QKI: variants seen among roughly 807,000 people sequenced by gnomAD.
QKI encodes the protein QKI, KH domain containing RNA binding, also known as KH domain-containing RNA-binding protein QKI.
QKI carries 10 observed loss-of-function variants against 39.0 expected under a neutral mutation model. That is an observed-to-expected ratio of 0.26 (90% CI 0.16 to 0.43). The LOEUF (loss-of-function observed/expected upper bound fraction) is 0.43. QKI is among the 20% of genes least tolerant of loss of function. The probability of loss-of-function intolerance (pLI) is 1.00; values close to 1 mark genes in which losing one functional copy is unlikely to be tolerated. For missense variants in QKI, 218 were observed against 428.0 expected (o/e 0.51, Z 4.33); for synonymous variants, 204 against 155.4 (o/e 1.31, Z -2.33).
intron 1 of QKI, among the ~76,000 whole-genome samples, chr6:163,441,833 C>T (rs1172021013): frequency 5.9e-5 from 9 of 151,968 alleles, no homozygotes; most frequent in Non-Finnish European, 1.2e-4. Context: ...TAGCCAGGGA[C>T]GGAGGTTAGG....
intron 4 of QKI, among the ~76,000 whole-genome samples, chr6:163,555,144 C>G (rs1782503990): frequency 6.6e-6 from 1 of 151,736 alleles, no homozygotes; most frequent in African/African-American, 2.4e-5. Flanking sequence ...CCTTTTCTAC[C>G]CATTATTTCA....
intron 1 of QKI, among the ~76,000 whole-genome samples, chr6:163,432,343 T>C (rs1208710684): frequency 6.6e-6 from 1 of 152,036 alleles, no homozygotes. Flanking sequence ...AATATTTGCC[T>C]AAGGGTTTTC....
chr6:163,451,917 A>G lies in QKI; in HGVS notation c.143-3362A>G, dbSNP rs1288112165. ...TCCATAGTAGTTTGGCTATAATTGT[A>G]TCCTCCTGCTAGGATAACATTCCCA... On this transcript the variant is annotated intron_variant, in intron 1 of 7. Coordinates refer to ENST00000361752, the MANE Select transcript of QKI (RefSeq NM_006775.3). 2.0e-5 allele frequency among the ~76,000 whole-genome samples: 3 copies of G among 152,222 alleles called. No individual in the cohort carries two copies. The East Asian group carries it at 5.8e-4, about 29-fold the overall frequency.
At chr6:163,561,151 T>G (rs1049069986) in intron 4 of QKI, among the ~76,000 whole-genome samples, 2 of 152,202 alleles carry the variant, frequency 1.3e-5, no homozygotes, top group African/African-American at 4.8e-5. Context: ...AGTTATTATT[T>G]CACTGAGTTT....
intron 4 of QKI, among the ~76,000 whole-genome samples, chr6:163,557,839 C>T (rs1467977511): frequency 6.6e-6 from 1 of 151,432 alleles, no homozygotes; most frequent in African/African-American, 2.4e-5. Context: ...AAAGAAATAT[C>T]GTGACTGGAT....
At chr6:163,566,095 CATAGAT>C (rs1783347654) in intron 6 of QKI, 2 of 1,505,852 alleles carry the variant, frequency 1.3e-6, no homozygotes, top group Non-Finnish European at 1.8e-6. Context: ...ACTTTTTGCA[CATAGAT>C]ATAAAGTAAA....
intron 3 of QKI, among the ~76,000 whole-genome samples, chr6:163,515,109 C>T (rs1017965240): frequency 6.6e-6 from 1 of 151,938 alleles, no homozygotes; most frequent in African/African-American, 2.4e-5. Flanking sequence ...GGGCAGAAAA[C>T]CTGAATTAAA....
intron 4 of QKI, among the ~76,000 whole-genome samples, chr6:163,545,612 T>A (rs901711636): frequency 6.6e-6 from 1 of 152,140 alleles, no homozygotes; most frequent in African/African-American, 2.4e-5. Context: ...TAAAAAAATA[T>A]GTCTTGTTTC....
chr6:163,563,885 T>C, intron 6 of QKI, 166 bp downstream of exon 6: 2 of 1,420,074 alleles, frequency 1.4e-6, no homozygotes, highest in Non-Finnish European at 1.8e-6. Context: ...AGGGTTCCCC[T>C]TTGAAATAAT....
In QKI at chr6:163,495,534, T is replaced by A. The variant is rs909600226; in HGVS notation, c.402+16638T>A. 5.3e-5 allele frequency among the ~76,000 whole-genome samples: 8 copies of A among 152,350 alleles called. No homozygotes were observed. The East Asian group carries it at 1.5e-3, about 29-fold the overall frequency. ...TTTCCTATAACCAAGGACATTCTTT[T>A]ACATAGTTACTTTATCAAATTCTGA... On this transcript the variant is annotated intron_variant, in intron 3 of 7. Coordinates refer to ENST00000361752, the MANE Select transcript of QKI (RefSeq NM_006775.3).
chr6:163,574,108 C>T lies in QKI; in HGVS notation c.*3398C>T, dbSNP rs1253345138. On this transcript the variant is annotated 3_prime_UTR_variant, in exon 8 of 8. Transcript: ENST00000361752. ...CTTGCCACTTGCCTTTCAGCATCTG[C>T]ATTACTAATTCCACACCTTATTTTT... is the stretch of plus-strand genomic sequence containing the variant. 1 of 152,210 alleles carries T rather than the reference C, an allele frequency of 6.6e-6. No individual in the cohort carries two copies. Among genetic ancestry groups the T allele is most frequent in the Non-Finnish European group, 1.5e-5 (1 of 68,060 alleles). 9.4% of individuals were successfully genotyped at this position (152,210 alleles called of 1,614,324 possible).
rs1562562739 is a variant in QKI, at chr6:163,573,924, T to TAACATAGC, written c.*3214_*3215insAACATAGC. ...AAGAACGTGACCACAGATAACATAG[T>TAACATAGC]GTGACTTGTTTTTATGTTGTTTGTC... On this transcript the variant is annotated 3_prime_UTR_variant, in exon 8 of 8. Transcript: ENST00000361752. 2 of 151,986 alleles carry TAACATAGC rather than the reference T, an allele frequency of 1.3e-5. No homozygotes were observed. Among genetic ancestry groups the TAACATAGC allele is most frequent in the African/African-American group, 2.4e-5 (1 of 41,388 alleles). The allele number at this position is 151,986 out of a possible 1,614,324, so 9.4% of individuals were successfully genotyped here. A position where few individuals can be genotyped will look rare whatever the true frequency, so the allele number is the denominator to read the frequency against.
At chr6:163,549,280 A>AGG (rs751237752) in intron 4 of QKI, among the ~76,000 whole-genome samples, 2 of 152,118 alleles carry the variant, frequency 1.3e-5, no homozygotes, top group Non-Finnish European at 2.9e-5. Flanking sequence ...GCAGTCCTGG[A>AGG]GGGGATATGC....
chr6:163,510,787 G>A (rs1454219613), intron 3 of QKI, among the ~76,000 whole-genome samples: 2 of 152,004 alleles, frequency 1.3e-5, no homozygotes, highest in African/African-American at 4.8e-5. Flanking sequence ...TTTATTTAAT[G>A]CAGAATGACT....
In QKI at chr6:163,509,366, T is replaced by C. The variant is rs898186497; in HGVS notation, c.403-25616T>C. 2.5e-4 allele frequency among the ~76,000 whole-genome samples: 38 copies of C among 152,138 alleles called. 1 individual carries two copies. Among genetic ancestry groups the C allele is most frequent in the African/African-American group, 8.7e-4 (36 of 41,440 alleles). ...GAGAGCAGATGGAAAGTTGATTACA[T>C]AGAAATTTTTACCCTGATACTGGTA... On this transcript the variant is annotated intron_variant, in intron 3 of 7. Transcript: ENST00000361752.
intron 3 of QKI, among the ~76,000 whole-genome samples, chr6:163,500,385 G>A (rs925054844): frequency 1.3e-5 from 2 of 152,130 alleles, no homozygotes; most frequent in Non-Finnish European, 2.9e-5. Context: ...ACTGGGAATC[G>A]TCTTCAGATT....
intron 4 of QKI, among the ~76,000 whole-genome samples, chr6:163,551,870 C>G (rs1428895570): frequency 2.0e-5 from 3 of 152,090 alleles, no homozygotes; most frequent in Non-Finnish European, 4.4e-5. Context: ...AAGTTTAATA[C>G]TCACAGTTAA....
At chr6:163,460,801 AATTTAATGAT>A (rs1261286029) in intron 2 of QKI, among the ~76,000 whole-genome samples, 3 of 152,162 alleles carry the variant, frequency 2.0e-5, no homozygotes, top group Admixed American at 2.0e-4. Context: ...ATTAAATCAA[AATTTAATGAT>A]ATTCAAAGTC....
chr6:163,516,997 GA>G (rs1779841687), intron 3 of QKI, among the ~76,000 whole-genome samples: 1 of 151,688 alleles, frequency 6.6e-6, no homozygotes. Context: ...AAGCTTTAAA[GA>G]AAAGCTTAAC....
Sources: gnomAD v4.1 joint callset for allele counts (sites outside exome capture counted in the v4.1 genomes callset) on GRCh38, gnomAD v4.1.1 for gene constraint, MANE v1.5 for transcripts, NCBI Gene and HGNC (gene_info 2026-07-23, HGNC 2026-07-21) for gene names.